SPTLC3: variants seen among roughly 807,000 people sequenced by gnomAD.
The protein encoded by SPTLC3 is serine palmitoyltransferase long chain base subunit 3.
A neutral mutation model predicts 59.3 loss-of-function variants in SPTLC3; 36 were observed. That is an observed-to-expected ratio of 0.61 (90% CI 0.47 to 0.80). The LOEUF (loss-of-function observed/expected upper bound fraction) is 0.80, where lower values mean the gene tolerates loss of function less well. Among genes scored for constraint, SPTLC3 ranks in the 30% least tolerant of loss-of-function variants. SPTLC3 has a pLI of 0.00. For synonymous variants in SPTLC3, 257 were observed against 240.8 expected, an observed-to-expected ratio of 1.07 and a Z score of -0.62; for missense variants, 625 against 685.1, an observed-to-expected ratio of 0.91 and a Z score of 0.98.
At chr20:13,076,002 T>C (rs1028905978) in intron 4 of SPTLC3, among the ~76,000 whole-genome samples, 1 of 152,172 alleles carries the variant, frequency 6.6e-6, no homozygotes, top group Non-Finnish European at 1.5e-5. Flanking sequence ...AAGGTCCCAT[T>C]TGGGACTTTC....
At chr20:13,104,037 A>C (rs1335738198) in intron 6 of SPTLC3, among the ~76,000 whole-genome samples, 1 of 152,210 alleles carries the variant, frequency 6.6e-6, no homozygotes, top group Admixed American at 6.5e-5. Flanking sequence ...GCACAGGCTC[A>C]GGCTGGCTAA....
chr20:13,060,178 T>C (rs1187862370), intron 2 of SPTLC3, among the ~76,000 whole-genome samples: 2 of 152,152 alleles, frequency 1.3e-5, no homozygotes, highest in African/African-American at 4.8e-5. Flanking sequence ...AGCCTCAGAG[T>C]AGCCCTTTAG....
intron 9 of SPTLC3, among the ~76,000 whole-genome samples, chr20:13,147,089 C>T (rs1188464418): frequency 2.0e-5 from 3 of 152,164 alleles, no homozygotes; most frequent in Non-Finnish European, 4.4e-5. Flanking sequence ...CCAGAGCCCT[C>T]GAAATCAGGC....
chr20:13,089,802 A>G (rs1371273639), intron 4 of SPTLC3, among the ~76,000 whole-genome samples: 2 of 149,732 alleles, frequency 1.3e-5, no homozygotes, highest in Non-Finnish European at 3.0e-5. Flanking sequence ...AAAAAAAAAA[A>G]AACAAAACAA....
At chr20:13,068,870 T>C (rs931895372) in intron 2 of SPTLC3, among the ~76,000 whole-genome samples, 1 of 152,220 alleles carries the variant, frequency 6.6e-6, no homozygotes, top group African/African-American at 2.4e-5. Flanking sequence ...AAGTCTTTTC[T>C]GACCCTGCAG....
At chr20:13,017,673 G>A (rs1985602016) in intron 1 of SPTLC3, among the ~76,000 whole-genome samples, 1 of 152,098 alleles carries the variant, frequency 6.6e-6, no homozygotes, top group Non-Finnish European at 1.5e-5. Context: ...TATTTTATGT[G>A]TGGCTCAAGA....
chr20:13,120,281 G>A (rs1157670138), intron 8 of SPTLC3, among the ~76,000 whole-genome samples: 2 of 152,198 alleles, frequency 1.3e-5, no homozygotes, highest in Admixed American at 6.5e-5. Flanking sequence ...GATACTTCCC[G>A]TATATCTCAA....
intron 2 of SPTLC3, among the ~76,000 whole-genome samples, chr20:13,060,655 C>T (rs2122535110): frequency 7.2e-6 from 1 of 138,616 alleles, no homozygotes; most frequent in Non-Finnish European, 1.6e-5. Flanking sequence ...TCTCTACATC[C>T]ATGTGTGTGC....
chr20:13,077,493 C>T (rs913712817), intron 4 of SPTLC3, among the ~76,000 whole-genome samples: 1 of 151,784 alleles, frequency 6.6e-6, no homozygotes, highest in Non-Finnish European at 1.5e-5. Context: ...ACAAAGAAAA[C>T]CACATGAAAT....
intron 1 of SPTLC3, among the ~76,000 whole-genome samples, chr20:13,044,341 A>T (rs1325221498): frequency 6.6e-6 from 1 of 151,976 alleles, no homozygotes; most frequent in Non-Finnish European, 1.5e-5. Context: ...ACCTCAGGTG[A>T]TCCACCCACC....
intron 2 of SPTLC3, among the ~76,000 whole-genome samples, chr20:13,056,987 G>C (rs187700068): frequency 6.6e-6 from 1 of 151,772 alleles, no homozygotes; most frequent in Non-Finnish European, 1.5e-5. Context: ...TTATCTGCCT[G>C]CCTCAGCCTC....
intron 1 of SPTLC3, among the ~76,000 whole-genome samples, chr20:13,022,085 G>A (rs374469736): frequency 9.9e-5 from 15 of 152,014 alleles, no homozygotes; most frequent in African/African-American, 2.7e-4. Context: ...TCCTCCTCCC[G>A]CTCTCTAAAA....
chr20:13,050,506 A>T (rs370451124), intron 2 of SPTLC3: 1 of 152,236 alleles, frequency 6.6e-6, no homozygotes, highest in Non-Finnish European at 1.5e-5. Flanking sequence ...CCTGGAAAAC[A>T]TATTTGGGGG....
chr20:13,071,092 A>G (rs531836242), intron 2 of SPTLC3, among the ~76,000 whole-genome samples: 1 of 152,226 alleles, frequency 6.6e-6, no homozygotes, highest in South Asian at 2.1e-4. Flanking sequence ...CCATTATTGC[A>G]TTTTCTGCCT....
At chr20:13,072,163 C>A in intron 2 of SPTLC3, 93 bp from the exon 3 acceptor site, 1 of 1,378,606 alleles carries the variant, frequency 7.3e-7, no homozygotes, top group Non-Finnish European at 9.9e-7. Flanking sequence ...GTGTTATTTC[C>A]ACAGCTCTTC....
At chr20:13,020,567 C>G (rs1033934269) in intron 1 of SPTLC3, among the ~76,000 whole-genome samples, 1 of 151,994 alleles carries the variant, frequency 6.6e-6, no homozygotes, top group Non-Finnish European at 1.5e-5. Context: ...CATTTTATTA[C>G]ATAATATATT....
chr20:13,151,942 C>T (rs1381334538), intron 9 of SPTLC3, among the ~76,000 whole-genome samples: 1 of 152,054 alleles, frequency 6.6e-6, no homozygotes, highest in Non-Finnish European at 1.5e-5. Flanking sequence ...CAACATGAGG[C>T]TGTCAAACAC....
chr20:13,051,241 T>G (rs938314969), intron 2 of SPTLC3, among the ~76,000 whole-genome samples: 4 of 151,864 alleles, frequency 2.6e-5, no homozygotes, highest in African/African-American at 9.7e-5. Context: ...AGTAAACGGG[T>G]GGAAAGAGGC....
intron 8 of SPTLC3, among the ~76,000 whole-genome samples, chr20:13,118,955 C>G (rs1048719375): frequency 6.6e-6 from 1 of 152,216 alleles, no homozygotes. Context: ...CTTTCGGGCT[C>G]AAAGCATTGT....
Sources: gnomAD v4.1 joint callset for allele counts (sites outside exome capture counted in the v4.1 genomes callset) on GRCh38, gnomAD v4.1.1 for gene constraint, MANE v1.5 for transcripts, NCBI Gene and HGNC (gene_info 2026-07-23, HGNC 2026-07-21) for gene names.